Variants in PCDHGA8 observed in about 807,000 individuals in gnomAD.
PCDHGA8 encodes protocadherin gamma-A8.
PCDHGA8 carries 45 observed loss-of-function variants against 59.2 expected under a neutral mutation model. The ratio of observed to expected loss-of-function variants is 0.76; its 90% CI spans 0.60 to 0.98. The LOEUF is 0.98. Ranked by LOEUF, PCDHGA8 falls within the 50% of genes least tolerant of loss-of-function variation. The pLI, the probability that PCDHGA8 is intolerant of heterozygous loss-of-function variation, is 0.00. For synonymous variants in PCDHGA8, 531 were observed against 519.0 expected (o/e 1.02, Z -0.32); for missense variants, 1,257 against 1,196.2 (o/e 1.05, Z -0.75).
rs138745923 is a variant in PCDHGA8, at chr5:141,420,954, A to C, written c.2424+25717A>C. On this transcript the variant is annotated intron_variant, in intron 1 of 3. Transcript: ENST00000398604. ...GTAATCATTTCTTCTGGAATTTCTTAGTCGTTGCAATAATAAGAATGGGCT... is the reference window on the plus strand; with the variant it reads ...GTAATCATTTCTTCTGGAATTTCTTCGTCGTTGCAATAATAAGAATGGGCT... 3.9e-3 allele frequency: 1,621 copies of C among 412,482 alleles called. 10 individuals are homozygous for C. The highest frequency in any genetic ancestry group is 0.01 in the Admixed American group (249 of 24,550). The allele number at this position is 412,482 out of a possible 1,614,324, so 25.6% of individuals were successfully genotyped here.
chr5:141,410,699 A>G (rs760193148), intron 1 of PCDHGA8: 1 of 1,478,344 alleles, frequency 6.8e-7, no homozygotes, highest in East Asian at 2.3e-5. Flanking sequence ...CTTTATTTTC[A>G]TATCTAGAAT....
chr5:141,414,134 A>G, intron 1 of PCDHGA8: 1 of 1,595,028 alleles, frequency 6.3e-7, no homozygotes, highest in Non-Finnish European at 8.5e-7. Flanking sequence ...GGTTTCTATG[A>G]AATAGAAATA....
At position 141,410,475 on chromosome 5, in the gene PCDHGA8, A is replaced by G. The variant is rs185995562; in HGVS notation, c.2424+15238A>G. ...TATTCTTATAATCTGTGCATTGCAC[A>G]TACGGGTACAAAAGAGTTTAATTTC... is the stretch of plus-strand genomic sequence containing the variant. On this transcript the variant is annotated intron_variant, in intron 1 of 3. Transcript: ENST00000398604. The G allele has an allele frequency of 3.7e-6, 6 of 1,614,052 alleles. No homozygotes were observed. In the South Asian group the frequency reaches 6.6e-5, roughly 18 times the overall value.
chr5:141,422,342 TG>T, intron 1 of PCDHGA8: 1 of 1,551,514 alleles, frequency 6.4e-7, no homozygotes. Context: ...CTTCTAAATG[TG>T]CAAGATCAAG....
At chr5:141,453,351 C>A (rs1210851703) in intron 1 of PCDHGA8, among the ~76,000 whole-genome samples, 2 of 151,738 alleles carry the variant, frequency 1.3e-5, no homozygotes, top group Non-Finnish European at 2.9e-5. Flanking sequence ...CCAGGCTGAC[C>A]CTGAACTCCT....
chr5:141,432,049 G>T lies in PCDHGA8; in HGVS notation c.2424+36812G>T. The T allele has an allele frequency of 7.4e-6, 12 of 1,614,150 alleles. No individual in the cohort carries two copies. Among genetic ancestry groups the T allele is most frequent in the Non-Finnish European group, 1.0e-5 (12 of 1,180,028 alleles). Reference sequence around the variant, plus strand: ...TGACCGCCACTGACCGGGGAACCCCGCCCCTATCCACGGAAACTCATATCT... The same window carrying T: ...TGACCGCCACTGACCGGGGAACCCCTCCCCTATCCACGGAAACTCATATCT... On this transcript the variant is annotated intron_variant, in intron 1 of 3. Coordinates refer to ENST00000398604, the MANE Select transcript of PCDHGA8 (RefSeq NM_032088.2). The surrounding 1 kb of genome is among the most constrained non-coding windows in gnomAD (Gnocchi z 6.0).
In PCDHGA8 at chr5:141,505,090, A is replaced by C. The variant is rs1018571873; in HGVS notation, c.2484-303A>C. Among the ~76,000 whole-genome samples the C allele has an allele frequency of 3.9e-5, 6 of 152,188 alleles. 1 individual carries two copies. The South Asian group carries it at 1.2e-3, about 31-fold the overall frequency. ...GGCAGGAGAATCGCTTGAACCCAGG[A>C]GGTGGATGTTGCAATGAGCCAAGAT... On this transcript the variant is annotated intron_variant, in intron 2 of 3. Transcript: ENST00000398604.
At chr5:141,396,406 G>A (rs1245754617) in intron 1 of PCDHGA8, 2 of 152,190 alleles carry the variant, frequency 1.3e-5, no homozygotes, top group African/African-American at 4.8e-5. Context: ...ATCACCTGAG[G>A]TCAGGAGTTC....
In PCDHGA8 at chr5:141,413,305, G is replaced by A. The variant is rs780711139; in HGVS notation, c.2424+18068G>A. 1.5e-5 allele frequency: 25 copies of A among 1,613,870 alleles called. No individual in the cohort carries two copies. The South Asian group carries it at 2.0e-4, about 13-fold the overall frequency. ...CTCCTACTCAATTCCTGAGGAATTA[G>A]AGAAAGGCTCTTTCGTGGGCAACAT... is the stretch of plus-strand genomic sequence containing the variant. On this transcript the variant is annotated intron_variant, in intron 1 of 3. Transcript: ENST00000398604.
Position 141,485,156 on chromosome 5 carries a change from A to G in PCDHGA8, c.2425-9651A>G. The G allele has an allele frequency of 6.3e-7, 1 of 1,599,118 alleles. No homozygotes were observed. The highest frequency in any genetic ancestry group is 8.6e-7 in the Non-Finnish European group (1 of 1,168,318). On this transcript the variant is annotated intron_variant, in intron 1 of 3. Transcript: ENST00000398604. The surrounding 1 kb of genome is among the most constrained non-coding windows in gnomAD (Gnocchi z 5.7). ...ATCCGCGTCTCAGGAGCAAGTAGAG[A>G]ATTAGCGGGCGGCAGCAATGCTCCG... is the stretch of plus-strand genomic sequence containing the variant.
Position 141,432,289 on chromosome 5 carries a change from C to T in PCDHGA8, c.2424+37052C>T, listed in dbSNP as rs762278053. ...CGTCCTACGTGTCCATCAACTCCGACACTGGGGTACTGTATGCGCTGAGCT... is the reference window on the plus strand; with the variant it reads ...CGTCCTACGTGTCCATCAACTCCGATACTGGGGTACTGTATGCGCTGAGCT... On this transcript the variant is annotated intron_variant, in intron 1 of 3. Coordinates refer to ENST00000398604, the MANE Select transcript of PCDHGA8 (RefSeq NM_032088.2). The surrounding 1 kb of genome is among the most constrained non-coding windows in gnomAD (Gnocchi z 6.0). The T allele has an allele frequency of 6.2e-7, 1 of 1,614,266 alleles. No homozygotes were observed. Among genetic ancestry groups the T allele is most frequent in the Admixed American group, 1.7e-5 (1 of 60,038 alleles).
Position 141,414,697 on chromosome 5 carries a change from T to A in PCDHGA8, c.2424+19460T>A, listed in dbSNP as rs748722995. The A allele has an allele frequency of 9.3e-6, 15 of 1,614,036 alleles. No homozygotes were observed. Among genetic ancestry groups the A allele is most frequent in the Non-Finnish European group, 1.3e-5 (15 of 1,179,930 alleles). ...CATCCAGGGGGTACCTCTGTCCTCA[T>A]ACATATCCATCAACTCAGACACTGG... is the stretch of plus-strand genomic sequence containing the variant. On this transcript the variant is annotated intron_variant, in intron 1 of 3. Transcript: ENST00000398604.
At chr5:141,452,000 A>G (rs2098730428) in intron 1 of PCDHGA8, among the ~76,000 whole-genome samples, 1 of 152,198 alleles carries the variant, frequency 6.6e-6, no homozygotes, top group Admixed American at 6.5e-5. Flanking sequence ...AAGCAAAATC[A>G]CTTGGTCCAG....
In PCDHGA8 at chr5:141,486,336, G is replaced by A. The variant is rs534793835; in HGVS notation, c.2425-8471G>A. 3.8e-5 allele frequency: 61 copies of A among 1,613,992 alleles called. No individual in the cohort carries two copies. In the African/African-American group the frequency reaches 4.3e-4, roughly 11 times the overall value. On this transcript the variant is annotated intron_variant, in intron 1 of 3. Coordinates refer to ENST00000398604, the MANE Select transcript of PCDHGA8 (RefSeq NM_032088.2). The surrounding 1 kb of genome is among the most constrained non-coding windows in gnomAD (Gnocchi z 5.0). The stretch of plus-strand genomic sequence containing the variant: ...GGGTCAAACGGAGATGTGAGCCTCC[G>A]CATTCCTGACCACTTGCCATTTGCC...
Position 141,393,601 on chromosome 5 carries a change from C to T in PCDHGA8, c.788C>T (p.Thr263Ile), listed in dbSNP as rs1392489335. 13 of 1,613,812 alleles carry T rather than the reference C, an allele frequency of 8.1e-6. No individual in the cohort carries two copies. Among genetic ancestry groups the T allele is most frequent in the Non-Finnish European group, 1.1e-5 (13 of 1,179,914 alleles). ...ENMPPGTRLL[T>I]VTASDPDEGI... Reference sequence around the variant, plus strand: ...ATGCCCCCAGGCACGCGGCTGCTTACTGTAACAGCCAGCGACCCGGATGAG... The same window carrying T: ...ATGCCCCCAGGCACGCGGCTGCTTATTGTAACAGCCAGCGACCCGGATGAG... The change falls in exon 1 of 4, where the codon ACT becomes ATT. Residue 263 changes from threonine to isoleucine, a missense_variant. Coordinates refer to ENST00000398604, the MANE Select transcript of PCDHGA8 (RefSeq NM_032088.2).
rs2099624335 is a variant in PCDHGA8 at position 141,486,093 on chromosome 5, C to T, written c.2425-8714C>T. On this transcript the variant is annotated intron_variant, in intron 1 of 3. Coordinates refer to ENST00000398604, the MANE Select transcript of PCDHGA8 (RefSeq NM_032088.2). This position sits in a 1 kb window ranked among gnomAD's most constrained non-coding sequence, Gnocchi z 5.0. ...ACTGGAAAGCTTACTCTTTTGGGGC[C>T]CCTAGACTTTGAGAGTGAGAATTAC... 1 of 1,614,112 alleles carries T rather than the reference C, an allele frequency of 6.2e-7. No homozygotes were observed. The highest frequency in any genetic ancestry group is 8.5e-7 in the Non-Finnish European group (1 of 1,180,008).
intron 1 of PCDHGA8, chr5:141,420,535 T>C (rs1322301404): frequency 6.2e-6 from 2 of 321,930 alleles, no homozygotes; most frequent in African/African-American, 4.3e-5. Flanking sequence ...CGGTTAAAAA[T>C]ATAAAATACA....
At chr5:141,413,066 A>T in intron 1 of PCDHGA8, 2 of 1,161,944 alleles carry the variant, frequency 1.7e-6, no homozygotes, top group Non-Finnish European at 2.4e-6. Flanking sequence ...TCCAGAATTT[A>T]AAGTGCCCAG....
rs529787438 is a variant in PCDHGA8 at position 141,470,330 on chromosome 5, G to A, written c.2425-24477G>A. Among the ~76,000 whole-genome samples the A allele has an allele frequency of 3.3e-4, 50 of 152,144 alleles. 1 individual carries two copies. The highest frequency in any genetic ancestry group is 1.1e-3 in the African/African-American group (47 of 41,498). ...TTTTCCTCAAATGATCCCATAATTT[G>A]ACCTTAGGAAGCTGTTCAAATAGAC... On this transcript the variant is annotated intron_variant, in intron 1 of 3. Coordinates refer to ENST00000398604, the MANE Select transcript of PCDHGA8 (RefSeq NM_032088.2).
Sources: gnomAD v4.1 joint callset for allele counts (sites outside exome capture counted in the v4.1 genomes callset) on GRCh38, gnomAD v4.1.1 for gene constraint, Gnocchi (gnomAD v3.1) non-coding constraint, MANE v1.5 for transcripts, NCBI Gene and HGNC (gene_info 2026-07-23, HGNC 2026-07-21) for gene names.